The following PCSK5 variants were observed in gnomAD, a reference collection of about 807,000 sequenced individuals.
The protein encoded by PCSK5 is prohormone convertase 5.
PCSK5 carries 129 observed loss-of-function variants against 233.2 expected under a neutral mutation model. That is an observed-to-expected ratio of 0.55 (90% confidence interval 0.48 to 0.64). The LOEUF (loss-of-function observed/expected upper bound fraction) is 0.64, where lower values mean the gene tolerates loss of function less well. PCSK5 is among the 30% of genes least tolerant of loss of function. The probability of loss-of-function intolerance (pLI) is 0.00; values close to 1 mark genes in which losing one functional copy is unlikely to be tolerated. For missense variants in PCSK5, 2,076 were observed against 2,430.1 expected, an observed-to-expected ratio of 0.85 and a Z score of 3.06; for synonymous variants, 825 against 879.2, an observed-to-expected ratio of 0.94 and a Z score of 1.09.
chr9:76,243,632 G>A (rs927025990), intron 24 of PCSK5, among the ~76,000 whole-genome samples: 1 of 152,060 alleles, frequency 6.6e-6, no homozygotes, highest in East Asian at 1.9e-4. Flanking sequence ...TTAGGCCAGC[G>A]AGAATACCTT....
At chr9:76,022,223 G>A (rs2131482479) in intron 3 of PCSK5, among the ~76,000 whole-genome samples, 1 of 152,316 alleles carries the variant, frequency 6.6e-6, no homozygotes, top group South Asian at 2.1e-4. Flanking sequence ...TTTATCTTCT[G>A]TGTCTCGCCT....
intron 16 of PCSK5, among the ~76,000 whole-genome samples, chr9:76,183,199 A>T (rs1823949707): frequency 6.6e-6 from 1 of 152,242 alleles, no homozygotes; most frequent in Non-Finnish European, 1.5e-5. Flanking sequence ...TGTATGACAG[A>T]ACCAAGGTAA....
intron 13 of PCSK5, among the ~76,000 whole-genome samples, chr9:76,173,863 A>G (rs1266211138): frequency 6.6e-6 from 1 of 152,094 alleles, no homozygotes; most frequent in Non-Finnish European, 1.5e-5. Flanking sequence ...AATCCCAGCT[A>G]CTTGGGAGGA....
chr9:75,955,127 T>A (rs1268360071), intron 2 of PCSK5, among the ~76,000 whole-genome samples: 1 of 152,184 alleles, frequency 6.6e-6, no homozygotes, highest in Non-Finnish European at 1.5e-5. Flanking sequence ...TTCATAAACC[T>A]TCTGTCAATC....
At chr9:76,102,309 A>G (rs140496304) in intron 8 of PCSK5, among the ~76,000 whole-genome samples, 408 of 152,318 alleles carry the variant, frequency 2.7e-3, no homozygotes, top group Non-Finnish European at 3.1e-3. Context: ...CTAATAAAAT[A>G]TCTTCCTTGC....
At chr9:76,096,382 A>C (rs1249099064) in intron 8 of PCSK5, among the ~76,000 whole-genome samples, 2 of 152,166 alleles carry the variant, frequency 1.3e-5, no homozygotes, top group African/African-American at 4.8e-5. Flanking sequence ...TCACGTTCAC[A>C]TTGTGAGTTA....
chr9:76,068,267 C>G (rs954522213), intron 6 of PCSK5, among the ~76,000 whole-genome samples: 1 of 151,986 alleles, frequency 6.6e-6, no homozygotes, highest in African/African-American at 2.4e-5. Context: ...AAACACTTTT[C>G]TTTTAAACAG....
intron 1 of PCSK5, among the ~76,000 whole-genome samples, chr9:75,908,923 CTCTCTATCTCTCTCTCTGTCTA>C (rs1564074811): frequency 0.01 from 1,143 of 111,184 alleles, 9 homozygotes; most frequent in Admixed American, 0.015. Context: ...ATCTATCTAT[CTCTCTATCTCTCTCTCTGTCTA>C]TCTATCTATC....
intron 9 of PCSK5, among the ~76,000 whole-genome samples, chr9:76,110,392 A>T (rs1265962874): frequency 2.6e-5 from 4 of 152,212 alleles, no homozygotes; most frequent in Non-Finnish European, 5.9e-5. Flanking sequence ...TTACTCAGTC[A>T]TAGGAACATT....
chr9:76,103,769 T>G (rs1831863001), intron 8 of PCSK5, among the ~76,000 whole-genome samples: 1 of 152,202 alleles, frequency 6.6e-6, no homozygotes, highest in Non-Finnish European at 1.5e-5. Context: ...TCCTTTCCAG[T>G]TTCCATCACT....
chr9:76,122,533 G>T (rs1832682886), intron 9 of PCSK5, among the ~76,000 whole-genome samples: 1 of 152,006 alleles, frequency 6.6e-6, no homozygotes, highest in African/African-American at 2.4e-5. Context: ...ATTGTGTCCA[G>T]ATAATAGGGT....
chr9:76,302,108 A>AC (rs397817259), intron 27 of PCSK5, 29 bp from the exon 28 acceptor site: 4 of 1,153,264 alleles, frequency 3.5e-6, no homozygotes, highest in Non-Finnish European at 4.6e-6. Context: ...TTAAAAAAAA[A>AC]CTAAACACTT....
At chr9:76,210,324 A>G (rs1825283605) in intron 20 of PCSK5, among the ~76,000 whole-genome samples, 1 of 152,184 alleles carries the variant, frequency 6.6e-6, no homozygotes, top group South Asian at 2.1e-4. Context: ...TGATGAGGCA[A>G]TGTAGCTGTG....
At chr9:76,354,275 T>C (rs927372158) in intron 37 of PCSK5, 56 bp downstream of exon 37, 1 of 1,389,624 alleles carries the variant, frequency 7.2e-7, no homozygotes, top group Non-Finnish European at 9.8e-7. Flanking sequence ...AAGAAGCCAA[T>C]GGGAGCAGAG....
At chr9:76,089,745 C>G (rs1316877919) in intron 7 of PCSK5, among the ~76,000 whole-genome samples, 1 of 152,144 alleles carries the variant, frequency 6.6e-6, no homozygotes, top group East Asian at 1.9e-4. Flanking sequence ...AAAATAATCA[C>G]ATGATTTTAA....
intron 3 of PCSK5, among the ~76,000 whole-genome samples, chr9:76,001,951 G>A (rs1827280865): frequency 6.6e-6 from 1 of 152,106 alleles, no homozygotes; most frequent in Non-Finnish European, 1.5e-5. Flanking sequence ...ATCCTCCCAG[G>A]ACTAAGAACT....
At chr9:75,974,387 T>G (rs1825928637) in intron 2 of PCSK5, among the ~76,000 whole-genome samples, 1 of 152,224 alleles carries the variant, frequency 6.6e-6, no homozygotes, top group Admixed American at 6.5e-5. Flanking sequence ...GGTGAGGGAA[T>G]AGCACTCAAA....
intron 34 of PCSK5, 40 bp downstream of exon 34, chr9:76,332,650 C>G: frequency 7.2e-7 from 1 of 1,398,346 alleles, no homozygotes; most frequent in Non-Finnish European, 9.8e-7. Flanking sequence ...AATTTCACAG[C>G]CACAGCAGAT....
intron 7 of PCSK5, among the ~76,000 whole-genome samples, chr9:76,075,157 T>G (rs1830602285): frequency 6.6e-6 from 1 of 151,830 alleles, no homozygotes; most frequent in Admixed American, 6.6e-5. Context: ...GGAGTGGAGG[T>G]TGCAGTGAGC....
Sources: allele counts gnomAD v4.1 joint callset (sites outside exome capture counted in the v4.1 genomes callset), GRCh38; gene constraint gnomAD v4.1.1; transcripts MANE v1.5; gene names NCBI Gene and HGNC (gene_info 2026-07-23, HGNC 2026-07-21).